The following BCKDHB variants were observed in gnomAD, a reference collection of about 807,000 sequenced individuals.
The protein encoded by BCKDHB is 2-oxoisovalerate dehydrogenase subunit beta, mitochondrial.
BCKDHB carries 41 observed loss-of-function variants against 48.5 expected under a neutral mutation model. The observed-to-expected ratio is 0.85, with a 90% confidence interval of 0.66 to 1.10. The LOEUF is 1.10. BCKDHB is among the 50% of genes least tolerant of loss of function. The pLI, the probability that BCKDHB is intolerant of heterozygous loss-of-function variation, is 0.00. For missense variants in BCKDHB, 496 were observed against 494.2 expected (o/e 1.00, Z -0.03); for synonymous variants, 201 against 174.8 (o/e 1.15, Z -1.18).
At chr6:80,318,303 G>A (rs1453121866) in intron 9 of BCKDHB, among the ~76,000 whole-genome samples, 1 of 152,144 alleles carries the variant, frequency 6.6e-6, no homozygotes, top group Non-Finnish European at 1.5e-5. Flanking sequence ...TACAAGCATT[G>A]CTGTATGTGG....
In BCKDHB at chr6:80,257,975, C is replaced by CAT. The variant is rs149335342; in HGVS notation, c.952-15147_952-15146dup. ...TGACACCTCAAATTAACCATCACAA[C>CAT]ATATATATATATATTTATTATAAAA... On this transcript the variant is annotated intron_variant, in intron 8 of 9. Coordinates refer to ENST00000320393, the MANE Select transcript of BCKDHB (RefSeq NM_183050.4). Among the ~76,000 whole-genome samples the CAT allele has an allele frequency of 3.2e-3, 481 of 150,876 alleles. 2 individuals carry two copies. The highest frequency in any genetic ancestry group is 9.5e-3 in the African/African-American group (393 of 41,162).
At chr6:80,337,727 G>A (rs1344838648) in intron 9 of BCKDHB, among the ~76,000 whole-genome samples, 1 of 152,032 alleles carries the variant, frequency 6.6e-6, no homozygotes, top group East Asian at 1.9e-4. Context: ...CTTGCTGTTT[G>A]CAAAGTAATT....
chr6:80,378,693 C>T, the BCKDHB span, among the ~76,000 whole-genome samples: 3 of 152,014 alleles, frequency 2.0e-5, no homozygotes, highest in African/African-American at 7.2e-5. Context: ...TCTATTTTTA[C>T]TTCTTTGGGA....
chr6:80,450,657 C>T, the BCKDHB span, among the ~76,000 whole-genome samples: 1 of 152,162 alleles, frequency 6.6e-6, no homozygotes, highest in South Asian at 2.1e-4. Context: ...CTTCACACTT[C>T]ACCCTTCTAA....
chr6:80,266,660 A>C (rs769129751), intron 8 of BCKDHB, among the ~76,000 whole-genome samples: 15 of 152,056 alleles, frequency 9.9e-5, no homozygotes, highest in Non-Finnish European at 1.8e-4. Flanking sequence ...AGGAAAAAAT[A>C]GGTGGAGAGA....
the BCKDHB span, among the ~76,000 whole-genome samples, chr6:80,367,709 C>G: frequency 0.054 from 8,216 of 152,264 alleles, 620 homozygotes; most frequent in African/African-American, 0.16. Context: ...CCTGCACATG[C>G]TTACTCTAAG....
chr6:80,203,512 C>T (rs190172935), intron 8 of BCKDHB, among the ~76,000 whole-genome samples: 124 of 152,088 alleles, frequency 8.2e-4, no homozygotes, highest in African/African-American at 2.6e-3. Flanking sequence ...TCAAGGATGC[C>T]GAAGGCACCT....
chr6:80,434,627 G>T, the BCKDHB span, among the ~76,000 whole-genome samples: 2 of 152,116 alleles, frequency 1.3e-5, no homozygotes, highest in Non-Finnish European at 2.9e-5. Context: ...CTTGAAACCA[G>T]TTTAATCCCT....
chr6:80,251,319 A>G (rs1211107671), intron 8 of BCKDHB, among the ~76,000 whole-genome samples: 1 of 152,208 alleles, frequency 6.6e-6, no homozygotes, highest in Admixed American at 6.6e-5. Context: ...TTTGCTCTCC[A>G]TGCAAATGGA....
intron 3 of BCKDHB, among the ~76,000 whole-genome samples, chr6:80,136,796 A>G (rs1403629785): frequency 2.0e-5 from 3 of 152,190 alleles, no homozygotes; most frequent in African/African-American, 7.2e-5. Flanking sequence ...AAGGACTTGC[A>G]TAGACATTTC....
chr6:80,217,586 A>AC lies in BCKDHB; in HGVS notation c.951+14375dup, dbSNP rs1775231414. The stretch of plus-strand genomic sequence containing the variant: ...TTAACATAGCACTAAAACACACAGT[A>AC]CAATGGAGCTTATAATGCAAAGTAT... On this transcript the variant is annotated intron_variant, in intron 8 of 9. Transcript: ENST00000320393. 2.6e-5 allele frequency among the ~76,000 whole-genome samples: 4 copies of AC among 152,232 alleles called. No individual in the cohort carries two copies. The South Asian group carries it at 8.3e-4, about 31-fold the overall frequency.
chr6:80,451,033 T>A, the BCKDHB span, among the ~76,000 whole-genome samples: 1 of 152,180 alleles, frequency 6.6e-6, no homozygotes, highest in East Asian at 1.9e-4. Flanking sequence ...AACCTGGTTA[T>A]TTTTTAGAGA....
chr6:80,349,225 T>C (rs147501121), downstream of BCKDHB, among the ~76,000 whole-genome samples: 4 of 152,354 alleles, frequency 2.6e-5, no homozygotes, highest in East Asian at 7.7e-4. Flanking sequence ...AGTTTAATAA[T>C]GGCTTTTAAA....
intron 8 of BCKDHB, among the ~76,000 whole-genome samples, chr6:80,226,703 A>G (rs1031955881): frequency 6.6e-6 from 1 of 152,210 alleles, no homozygotes. Flanking sequence ...TGGGTGAGAA[A>G]GGTTTCCAGC....
chr6:80,354,236 TTTA>T, the BCKDHB span, among the ~76,000 whole-genome samples: 3 of 143,934 alleles, frequency 2.1e-5, no homozygotes, highest in African/African-American at 5.9e-5. Context: ...TATTTATTTA[TTTA>T]TTTTTTTATA....
the BCKDHB span, among the ~76,000 whole-genome samples, chr6:80,384,274 C>T: frequency 2.0e-5 from 3 of 152,106 alleles, no homozygotes; most frequent in South Asian, 4.1e-4. Context: ...AGCCTCCCAG[C>T]CCACAGGTTT....
intron 8 of BCKDHB, among the ~76,000 whole-genome samples, chr6:80,229,866 C>T (rs908189019): frequency 2.6e-5 from 4 of 151,536 alleles, no homozygotes; most frequent in Non-Finnish European, 5.9e-5. Flanking sequence ...ATAAATTTTA[C>T]AAGAAAGAAA....
chr6:80,309,140 T>C (rs569577215), intron 9 of BCKDHB, among the ~76,000 whole-genome samples: 1 of 151,490 alleles, frequency 6.6e-6, no homozygotes, highest in African/African-American at 2.4e-5. Flanking sequence ...CTCGGCTCAC[T>C]GCAACCTCCG....
chr6:80,152,421 A>C (rs1771830052), intron 3 of BCKDHB, among the ~76,000 whole-genome samples: 1 of 152,100 alleles, frequency 6.6e-6, no homozygotes, highest in Non-Finnish European at 1.5e-5. Flanking sequence ...GCCTGAAATG[A>C]GTTTTTGTGT....
Sources: gnomAD v4.1 joint callset for allele counts (sites outside exome capture counted in the v4.1 genomes callset) on GRCh38, gnomAD v4.1.1 for gene constraint, MANE v1.5 for transcripts, NCBI Gene and HGNC (gene_info 2026-07-23, HGNC 2026-07-21) for gene names.